Variants in ADPRHL1 observed in about 807,000 individuals in gnomAD.
ADPRHL1 encodes the protein ADP-ribosylhydrolase like 1.
A neutral mutation model predicts 44.1 loss-of-function variants in ADPRHL1; 43 were observed. That is an observed-to-expected ratio of 0.98 (90% CI 0.76 to 1.26). The LOEUF is 1.26. ADPRHL1 is among the 50% of genes most tolerant of loss of function. ADPRHL1 has a pLI of 0.00. For missense variants in ADPRHL1, 2,022 were observed against 2,496.9 expected (o/e 0.81, Z 4.05); for synonymous variants, 878 against 1,017.4 (o/e 0.86, Z 2.61).
Position 113,403,677 on chromosome 13 carries a change from G to T in ADPRHL1, c.5605C>A (p.Leu1869Ile). 8.1e-7 allele frequency: 1 copy of T among 1,231,950 alleles called. No individual in the cohort carries two copies. The highest frequency in any genetic ancestry group is 1.0e-6 in the Non-Finnish European group (1 of 988,202). The allele number at this position is 1,231,950 out of a possible 1,614,324, so 76.3% of individuals were successfully genotyped here. A position where few individuals can be genotyped will look rare whatever the true frequency, so the allele number is the denominator to read the frequency against. Reference protein sequence around the residue: ...AGYPPPGSRPLRGKSIATSPL... With the variant: ...AGYPPPGSRPIRGKSIATSPL... ...GAGGTGGCAATGCTCTTGCCCCTGA[G>T]GGGGCGGCTTCCTGGGGGTGGGTAC... Residue 1869 changes from leucine (L) to isoleucine (I), a missense_variant, in exon 8 of 8, where the codon CTC becomes ATC. This residue lies in a region of ADPRHL1 where 205 missense variants were observed against 250.1 expected (regional missense o/e 0.82). Coordinates refer to ENST00000612156, the MANE Select transcript of ADPRHL1 (RefSeq NM_001394807.1).
intron 7 of ADPRHL1, 145 bp from the exon 8 acceptor site, chr13:113,408,365 G>C: frequency 1.2e-6 from 1 of 847,408 alleles, no homozygotes; most frequent in Non-Finnish European, 1.6e-6. Context: ...GCCAGGAGCT[G>C]TGGCTTCTGG....
In ADPRHL1 at chr13:113,441,363, CA is replaced by C. The variant is rs2044097301; in HGVS notation, c.379+3061del. Among the ~76,000 whole-genome samples the C allele has an allele frequency of 6.6e-6, 1 of 152,028 alleles. No homozygotes were observed. Among genetic ancestry groups the C allele is most frequent in the South Asian group, 2.1e-4 (1 of 4,814 alleles). On this transcript the variant is annotated intron_variant, in intron 2 of 7. Coordinates refer to ENST00000612156, the MANE Select transcript of ADPRHL1 (RefSeq NM_001394807.1). This position sits in a 1 kb window ranked among gnomAD's most constrained non-coding sequence, Gnocchi z 6.0. ...TGCCTTTTTTGGGTTGAATGTTTCT[CA>C]AGGGATTCAATTTTAACTCTTTTGC...
At position 113,404,961 on chromosome 13, in the gene ADPRHL1, G is replaced by A; in HGVS notation, c.4321C>T (p.Gln1441Ter). ...GGTCCCTGCAGATGCTGCTGACCTT[G>A]GTCACTGCGCTGGCAGGCGCCCCCA... ...GVGGACQRSD[Q>*]GQQHLQGPWE... is the part of the protein sequence containing the mutation. Residue 1441 changes from glutamine to a stop codon, truncating the protein, a stop_gained, in exon 8 of 8, where the codon CAA becomes TAA. Coordinates refer to ENST00000612156, the MANE Select transcript of ADPRHL1 (RefSeq NM_001394807.1). LOFTEE classifies it low-confidence loss of function (END_TRUNC). 8.1e-7 allele frequency: 1 copy of A among 1,236,632 alleles called. No homozygotes were observed. Among genetic ancestry groups the A allele is most frequent in the Non-Finnish European group, 1.0e-6 (1 of 991,248 alleles). The allele number at this position is 1,236,632 out of a possible 1,614,324, so 76.6% of individuals were successfully genotyped here. A position where few individuals can be genotyped will look rare whatever the true frequency, so the allele number is the denominator to read the frequency against.
chr13:113,404,803 C>T lies in ADPRHL1; in HGVS notation c.4479G>A (p.Gln1493=), dbSNP rs2043794573. 4.0e-6 allele frequency: 5 copies of T among 1,254,328 alleles called. No homozygotes were observed. The Admixed American group carries it at 2.1e-4, about 52-fold the overall frequency. 77.7% of individuals were successfully genotyped at this position (1,254,328 alleles called of 1,614,324 possible). The change falls in exon 8 of 8, where the codon CAG becomes CAA. Residue 1493 remains glutamine (Q), a synonymous_variant. Transcript: ENST00000612156. ...CCTGAACCTGTCCCCGGTCCCATTCCTGAACCTGTTTCTGGGCCTGTCCTT... is the reference window on the plus strand; with the variant it reads ...CCTGAACCTGTCCCCGGTCCCATTCTTGAACCTGTTTCTGGGCCTGTCCTT... The part of the protein sequence containing the change: ...AAQGQAQKQV[Q]EWDRGQVQGH...
At chr13:113,428,561 C>G (rs1164471962) in intron 4 of ADPRHL1, among the ~76,000 whole-genome samples, 1 of 152,258 alleles carries the variant, frequency 6.6e-6, no homozygotes, top group South Asian at 2.1e-4. Context: ...AAGGGCCCAG[C>G]CCTGAGCTCG....
At chr13:113,451,965 C>A (rs540515141) in intron 1 of ADPRHL1, among the ~76,000 whole-genome samples, 2 of 152,192 alleles carry the variant, frequency 1.3e-5, no homozygotes, top group African/African-American at 2.4e-5. Flanking sequence ...CAGCCATGGA[C>A]GCTGCCATTT....
intron 2 of ADPRHL1, among the ~76,000 whole-genome samples, chr13:113,437,783 T>C (rs1034426473): frequency 6.6e-6 from 1 of 152,216 alleles, no homozygotes; most frequent in African/African-American, 2.4e-5. Context: ...CTCTCTTCTC[T>C]TGGGCGAATG....
At chr13:113,408,467 G>A (rs191600182) in intron 7 of ADPRHL1, among the ~76,000 whole-genome samples, 4 of 152,306 alleles carry the variant, frequency 2.6e-5, no homozygotes, top group South Asian at 4.1e-4. Context: ...TCTGACACAC[G>A]CTCCTCCTAA....
intron 3 of ADPRHL1, among the ~76,000 whole-genome samples, chr13:113,432,437 G>T (rs963159332): frequency 6.6e-6 from 1 of 152,318 alleles, no homozygotes; most frequent in Non-Finnish European, 1.5e-5. Context: ...CAACATTTTC[G>T]GGTCTGAAGG....
chr13:113,431,611 G>A (rs189713835), intron 3 of ADPRHL1, among the ~76,000 whole-genome samples: 64 of 152,366 alleles, frequency 4.2e-4, no homozygotes, highest in Admixed American at 3.1e-3. Context: ...GGAAAAGGGA[G>A]TAGAGTTAAA....
chr13:113,451,055 G>A (rs1052044894), intron 1 of ADPRHL1, among the ~76,000 whole-genome samples: 5 of 151,860 alleles, frequency 3.3e-5, no homozygotes, highest in Non-Finnish European at 7.4e-5. Flanking sequence ...CTTCCCAGAC[G>A]CTGGCGTCAC....
rs2043823491 is a variant in ADPRHL1 at position 113,408,170 on chromosome 13, G to A, written c.1112C>T (p.Thr371Ile). 1 of 1,232,030 alleles carries A rather than the reference G, an allele frequency of 8.1e-7. No homozygotes were observed. Among genetic ancestry groups the A allele is most frequent in the Non-Finnish European group, 1.0e-6 (1 of 987,990 alleles). The allele number at this position is 1,232,030 out of a possible 1,614,324, so 76.3% of individuals were successfully genotyped here. A position where few individuals can be genotyped will look rare whatever the true frequency, so the allele number is the denominator to read the frequency against. Residue 371 changes from threonine to isoleucine, a missense_variant, in exon 8 of 8, where the codon ACC (threonine) becomes ATC (isoleucine). By Grantham distance (89) the Thr-to-Ile change is moderately conservative. This residue lies in a region of ADPRHL1 where 1,221 missense variants were observed against 1,517.8 expected (regional missense o/e 0.80). Transcript: ENST00000612156. ...CAGCTTGCCCATCTTCTTCTTCAGG[G>A]TTTGGGCGTCCACAGACATGACGTC... ...CSDVMSVDAQ[T>I]LKKKMGKLAC...
chr13:113,444,912 T>A lies in ADPRHL1; in HGVS notation c.215-323A>T, dbSNP rs9604113. ...TGCTGGGATTACAGGCGTGAGCCAC[T>A]GCACCCAGCCCCACCGTGCCCCTTT... On this transcript the variant is annotated intron_variant, in intron 1 of 7. Coordinates refer to ENST00000612156, the MANE Select transcript of ADPRHL1 (RefSeq NM_001394807.1). Among the ~76,000 whole-genome samples the A allele has an allele frequency of 3.3e-5, 5 of 152,174 alleles. No individual in the cohort carries two copies. The East Asian group carries it at 9.6e-4, about 29-fold the overall frequency.
rs1240843172 is a variant in ADPRHL1, at chr13:113,406,966, C to T, written c.2316G>A (p.Glu772=). ...RLTWPPGPPG[E]CAGEGPEITM... ...TGATTTCAGGGCCCTCCCCTGCACACTCGCCTGGGGGCCCAGGAGGCCACG... is the reference window on the plus strand; with the variant it reads ...TGATTTCAGGGCCCTCCCCTGCACATTCGCCTGGGGGCCCAGGAGGCCACG... The change falls in exon 8 of 8, where the codon GAG becomes GAA. Residue 772 remains glutamate, a synonymous_variant. Transcript: ENST00000612156. The T allele has an allele frequency of 2.4e-6, 3 of 1,232,118 alleles. No individual in the cohort carries two copies. Among genetic ancestry groups the T allele is most frequent in the Non-Finnish European group, 3.0e-6 (3 of 988,102 alleles). 76.3% of individuals were successfully genotyped at this position (1,232,118 alleles called of 1,614,324 possible). A position where few individuals can be genotyped will look rare whatever the true frequency, so the allele number is the denominator to read the frequency against.
At chr13:113,418,816 G>A (rs546515149) in intron 7 of ADPRHL1, among the ~76,000 whole-genome samples, 72 of 152,178 alleles carry the variant, frequency 4.7e-4, no homozygotes, top group Non-Finnish European at 8.1e-4. Flanking sequence ...CTGCCATCTG[G>A]GAGTGAGAGG....
rs370545967 is a variant in ADPRHL1 at position 113,429,055 on chromosome 13, C to G, written c.543G>C (p.Ser181=). The change falls in exon 4 of 8, where the codon TCG becomes TCC. Residue 181 remains serine (S), a synonymous_variant. Transcript: ENST00000612156. ...LGSLCTALFV[S]FAAQGKPLVQ... ...CCAGGGGCTTTCCTTGTGCGGCGAA[C>G]GACACAAACAGGGCCGTGCACAGGG... is the stretch of plus-strand genomic sequence containing the variant. The G allele has an allele frequency of 1.2e-6, 2 of 1,612,476 alleles. No homozygotes were observed. Among genetic ancestry groups the G allele is most frequent in the Non-Finnish European group, 1.7e-6 (2 of 1,179,874 alleles).
intron 7 of ADPRHL1, among the ~76,000 whole-genome samples, chr13:113,415,750 C>CAAAAAAAAAAAAAAAA (rs71214119): frequency 1.4e-4 from 9 of 63,042 alleles, no homozygotes; most frequent in Admixed American, 2.1e-4. Context: ...GACTCCATCT[C>CAAAAAAAAAAAAAAAA]AAAAAAAAAA....
In ADPRHL1 at chr13:113,401,907, C is replaced by T. The variant is rs367765848; in HGVS notation, c.*1471G>A. 3.9e-5 allele frequency: 6 copies of T among 152,290 alleles called. No individual in the cohort carries two copies. The highest frequency in any genetic ancestry group is 1.4e-4 in the African/African-American group (6 of 41,488). The allele number at this position is 152,290 out of a possible 1,614,324, so 9.4% of individuals were successfully genotyped here. The stretch of plus-strand genomic sequence containing the variant: ...TCAGCCCCGCGTGGGTAGGACGCGC[C>T]TGCTGAACGCCCTCTCAGGGCCGAC... On this transcript the variant is annotated 3_prime_UTR_variant, in exon 8 of 8. Transcript: ENST00000612156. The surrounding 1 kb of genome is among the most constrained non-coding windows in gnomAD (Gnocchi z 5.5).
chr13:113,429,115 G>T, intron 3 of ADPRHL1, 23 bp from the exon 4 acceptor site: 1 of 1,479,400 alleles, frequency 6.8e-7, no homozygotes, highest in Non-Finnish European at 9.3e-7. Context: ...GAAGAGAGAG[G>T]GGGCACCATC....
Sources: gnomAD v4.1 joint callset for allele counts (sites outside exome capture counted in the v4.1 genomes callset) on GRCh38, gnomAD v4.1.1 for gene constraint, gnomAD v4.1.1 regional missense constraint, Gnocchi (gnomAD v3.1) non-coding constraint, MANE v1.5 for transcripts, NCBI Gene and HGNC (gene_info 2026-07-23, HGNC 2026-07-21) for gene names.